FLI1: variants seen among roughly 807,000 people sequenced by gnomAD.
FLI1 encodes Fli-1 proto-oncogene, ETS transcription factor, also known as Friend leukemia integration 1 transcription factor.
FLI1 carries 13 observed loss-of-function variants against 53.1 expected under a neutral mutation model. The ratio of observed to expected loss-of-function variants is 0.24; its 90% CI spans 0.16 to 0.39. The LOEUF (loss-of-function observed/expected upper bound fraction) is 0.39. FLI1 is among the 10% of genes least tolerant of loss of function. The pLI, the probability that FLI1 is intolerant of heterozygous loss-of-function variation, is 1.00. For missense variants in FLI1, 424 were observed against 600.5 expected (o/e 0.71, Z 3.07); for synonymous variants, 244 against 236.7 (o/e 1.03, Z -0.28).
intron 1 of FLI1, among the ~76,000 whole-genome samples, chr11:128,742,487 C>T (rs1415745510): frequency 1.3e-5 from 2 of 152,174 alleles, no homozygotes; most frequent in Admixed American, 6.5e-5. Flanking sequence ...AGTCTGGTCA[C>T]CAAACACAAG....
chr11:128,807,082 G>A, intron 6 of FLI1, 98 bp from the exon 7 acceptor site: 1 of 590,274 alleles, frequency 1.7e-6, no homozygotes, highest in Non-Finnish European at 2.9e-6. Context: ...AGTGGAGAGT[G>A]GGCGAAGGAA....
intron 1 of FLI1, among the ~76,000 whole-genome samples, chr11:128,723,782 G>A (rs1231936920): frequency 6.6e-6 from 1 of 152,152 alleles, no homozygotes; most frequent in East Asian, 1.9e-4. Flanking sequence ...AAGGAAAGAG[G>A]TGTAAATGAA....
chr11:128,746,920 G>C (rs1032887112), intron 1 of FLI1, among the ~76,000 whole-genome samples: 1 of 152,214 alleles, frequency 6.6e-6, no homozygotes, highest in African/African-American at 2.4e-5. Flanking sequence ...CCTTTTGTTA[G>C]AACAGATTTA....
At chr11:128,805,496 G>GATCATGAGACACAGGAGAGCAGC in intron 6 of FLI1, 65 bp downstream of exon 6, 1 of 1,021,308 alleles carries the variant, frequency 9.8e-7, no homozygotes, top group South Asian at 1.4e-5. Context: ...TGGAGAACAG[G>GATCATGAGACACAGGAGAGCAGC]ATCATGAGAC....
chr11:128,711,925 A>T (rs186944219), intron 1 of FLI1, among the ~76,000 whole-genome samples: 188 of 152,242 alleles, frequency 1.2e-3, no homozygotes, highest in South Asian at 2.3e-3. Context: ...GTCTTTTTTT[A>T]AAAAAATTTT....
intron 1 of FLI1, among the ~76,000 whole-genome samples, chr11:128,750,358 A>G (rs1253243395): frequency 1.3e-5 from 2 of 152,228 alleles, no homozygotes; most frequent in Admixed American, 6.5e-5. Context: ...GGTGCTTCTC[A>G]GGCCCCATGT....
chr11:128,743,229 A>C (rs1309443834), intron 1 of FLI1, among the ~76,000 whole-genome samples: 1 of 152,046 alleles, frequency 6.6e-6, no homozygotes, highest in Non-Finnish European at 1.5e-5. Flanking sequence ...CTCTACAAAA[A>C]ATAAAGAATA....
At chr11:128,732,637 T>A (rs1349442596) in intron 1 of FLI1, among the ~76,000 whole-genome samples, 2 of 152,172 alleles carry the variant, frequency 1.3e-5, no homozygotes, top group East Asian at 1.9e-4. Flanking sequence ...GATACAAGCC[T>A]GGGATTGGAG....
intron 1 of FLI1, among the ~76,000 whole-genome samples, chr11:128,698,855 A>G (rs1057038717): frequency 6.6e-6 from 1 of 152,146 alleles, no homozygotes; most frequent in African/African-American, 2.4e-5. Context: ...TACCATCTTG[A>G]ATTATTTTTA....
upstream of FLI1, chr11:128,693,515 C>T (rs61221386): frequency 1.1e-5 from 2 of 179,634 alleles, no homozygotes; most frequent in Middle Eastern, 2.0e-3. Context: ...CCCTCCATAC[C>T]CCCCCTACCC....
intron 1 of FLI1, among the ~76,000 whole-genome samples, chr11:128,701,957 A>G (rs1011780188): frequency 6.6e-6 from 1 of 152,244 alleles, no homozygotes; most frequent in African/African-American, 2.4e-5. Flanking sequence ...TGGGAAAGGA[A>G]TCGGAGAGTG....
intron 1 of FLI1, 79 bp from the exon 2 acceptor site, chr11:128,758,036 T>G: frequency 7.5e-7 from 1 of 1,330,180 alleles, no homozygotes. Context: ...CTGGGCCACC[T>G]TGCCAGCTCA....
intron 1 of FLI1, among the ~76,000 whole-genome samples, chr11:128,714,951 C>T (rs949895005): frequency 3.3e-5 from 5 of 152,084 alleles, no homozygotes; most frequent in Non-Finnish European, 7.4e-5. Context: ...TCGTCATCCG[C>T]CAGCCTCAGC....
chr11:128,805,409 C>T lies in FLI1; in HGVS notation c.699C>T (p.Asn233=). ...TCAGAAGAGGAGCTTGGGGCAATAA[C>T]ATGAATTCTGGCCTCAACAAAAGTA... ...DSVRRGAWGN[N]MNSGLNKSPP... is the part of the protein sequence containing the mutation. Residue 233 remains asparagine (N), a synonymous_variant, in exon 6 of 9, where the codon AAC becomes AAT. Coordinates refer to ENST00000527786, the MANE Select transcript of FLI1 (RefSeq NM_002017.5). 1 of 1,585,192 alleles carries T rather than the reference C, an allele frequency of 6.3e-7. No homozygotes were observed. The highest frequency in any genetic ancestry group is 1.1e-5 in the South Asian group (1 of 87,130).
chr11:128,767,242 T>C (rs111695625), intron 2 of FLI1, among the ~76,000 whole-genome samples: 2 of 152,214 alleles, frequency 1.3e-5, no homozygotes, highest in Non-Finnish European at 2.9e-5. Flanking sequence ...CTCTTGTGAA[T>C]GTCCATACTG....
chr11:128,724,159 G>T (rs1168242699), intron 1 of FLI1, among the ~76,000 whole-genome samples: 2 of 152,044 alleles, frequency 1.3e-5, no homozygotes, highest in African/African-American at 4.8e-5. Flanking sequence ...TGGGCAGGCT[G>T]GTCTCGAACT....
intron 1 of FLI1, among the ~76,000 whole-genome samples, chr11:128,735,350 A>T (rs546532972): frequency 7.2e-5 from 11 of 152,348 alleles, no homozygotes; most frequent in African/African-American, 2.2e-4. Context: ...TTGTTCTGGC[A>T]CCTCAGTGTA....
At chr11:128,729,118 T>C (rs1939596239) in intron 1 of FLI1, among the ~76,000 whole-genome samples, 1 of 152,192 alleles carries the variant, frequency 6.6e-6, no homozygotes, top group Admixed American at 6.5e-5. Flanking sequence ...GCACCTCTGC[T>C]TTGTAATCGG....
At chr11:128,784,674 C>T (rs994830788) in intron 5 of FLI1, among the ~76,000 whole-genome samples, 1 of 152,086 alleles carries the variant, frequency 6.6e-6, no homozygotes, top group Non-Finnish European at 1.5e-5. Context: ...ATTAGCAAGA[C>T]AAAGCTAAGC....
Sources: gnomAD v4.1 joint callset for allele counts (sites outside exome capture counted in the v4.1 genomes callset) on GRCh38, gnomAD v4.1.1 for gene constraint, MANE v1.5 for transcripts, NCBI Gene and HGNC (gene_info 2026-07-23, HGNC 2026-07-21) for gene names.